The following WDR7 variants were observed in gnomAD, a reference collection of about 807,000 sequenced individuals.
The protein encoded by WDR7 is WD repeat domain 7, also known as WD repeat-containing protein 7.
Under a neutral mutation model 169.4 loss-of-function variants are expected in WDR7, and 46 were observed. The observed-to-expected ratio is 0.27, with a 90% CI of 0.21 to 0.35. WDR7 has a LOEUF of 0.35. Among genes scored for constraint, WDR7 ranks in the 10% least tolerant of loss-of-function variants. The probability of loss-of-function intolerance (pLI) is 1.00; values close to 1 mark genes in which losing one functional copy is unlikely to be tolerated. For missense variants in WDR7, 1,534 were observed against 1,859.3 expected (o/e 0.83, Z 3.22); for synonymous variants, 612 against 666.8 (o/e 0.92, Z 1.27).
At chr18:56,990,196 T>C (rs1351926195) in intron 26 of WDR7, among the ~76,000 whole-genome samples, 5 of 152,236 alleles carry the variant, frequency 3.3e-5, no homozygotes, top group Admixed American at 2.6e-4. Flanking sequence ...TCTCCTTTCA[T>C]TGCGTGAACT....
chr18:56,736,148 A>G (rs1159517511), intron 14 of WDR7, among the ~76,000 whole-genome samples: 4 of 152,154 alleles, frequency 2.6e-5, no homozygotes, highest in Non-Finnish European at 5.9e-5. Context: ...ACTTTAAAAC[A>G]AAATTCAAAA....
intron 21 of WDR7, among the ~76,000 whole-genome samples, chr18:56,889,987 C>T (rs2046243533): frequency 6.6e-6 from 1 of 152,108 alleles, no homozygotes; most frequent in Non-Finnish European, 1.5e-5. Context: ...CCTGCCATTA[C>T]ATGGAAAAAG....
Position 56,756,695 on chromosome 18 carries a change from A to G in WDR7, c.2102A>G (p.Gln701Arg). Residue 701 changes from glutamine (Q) to arginine (R), a missense_variant, in exon 15 of 28, where the codon CAA (glutamine) becomes CGA (arginine). Gln to Arg is a conservative substitution (Grantham distance 43). Coordinates refer to ENST00000254442, the MANE Select transcript of WDR7 (RefSeq NM_015285.3). ...TTTGATGTGGAAGCGTTGATTATTC[A>G]ACTCCTGACTGAAGAAGCCTCTAGG... ...LFFDVEALII[Q>R]LLTEEASRPN... 6.2e-7 allele frequency: 1 copy of G among 1,614,162 alleles called. No individual in the cohort carries two copies. Among genetic ancestry groups the G allele is most frequent in the Non-Finnish European group, 8.5e-7 (1 of 1,180,028 alleles).
At chr18:56,944,284 G>A (rs779899311) in intron 25 of WDR7, among the ~76,000 whole-genome samples, 6 of 152,056 alleles carry the variant, frequency 3.9e-5, no homozygotes, top group East Asian at 1.9e-4. Flanking sequence ...GAGCCACTGC[G>A]CCCAGCCAGT....
chr18:56,955,655 G>A (rs1461341091), intron 25 of WDR7, among the ~76,000 whole-genome samples: 1 of 84,888 alleles, frequency 1.2e-5, no homozygotes, highest in East Asian at 8.7e-4. Flanking sequence ...GATGCAGATG[G>A]ATGATGATGA....
At chr18:56,902,076 A>G (rs2046410678) in intron 21 of WDR7, among the ~76,000 whole-genome samples, 1 of 152,156 alleles carries the variant, frequency 6.6e-6, no homozygotes, top group African/African-American at 2.4e-5. Context: ...ATCACATCAC[A>G]AAGCAGTCTG....
chr18:56,879,727 AT>A (rs978603392), intron 20 of WDR7, among the ~76,000 whole-genome samples: 4 of 151,920 alleles, frequency 2.6e-5, no homozygotes, highest in African/African-American at 9.7e-5. Flanking sequence ...TAGCTGTTAT[AT>A]TTAGGATTAT....
intron 20 of WDR7, among the ~76,000 whole-genome samples, chr18:56,871,592 TTTA>T: frequency 6.6e-6 from 1 of 152,260 alleles, no homozygotes; most frequent in South Asian, 2.1e-4. Context: ...AAGAAACACT[TTTA>T]TTGTTTATTT....
intron 1 of WDR7, among the ~76,000 whole-genome samples, chr18:56,656,487 C>T (rs2024775296): frequency 6.6e-6 from 1 of 151,682 alleles, no homozygotes; most frequent in South Asian, 2.1e-4. Flanking sequence ...ACCATGTTGC[C>T]CAAGCTGGTC....
chr18:57,001,045 AAAAG>A (rs2047969016), intron 26 of WDR7, among the ~76,000 whole-genome samples: 2 of 109,350 alleles, frequency 1.8e-5, no homozygotes, highest in South Asian at 6.8e-4. Context: ...CCATCTCTAC[AAAAG>A]AGAGAGAGAG....
intron 25 of WDR7, among the ~76,000 whole-genome samples, chr18:56,955,654 GGAT>G (rs34888311): frequency 0.17 from 25,802 of 150,254 alleles, 3,011 homozygotes; most frequent in East Asian, 0.46. Flanking sequence ...AGATGCAGAT[GGAT>G]GATGATGATG....
In WDR7 at chr18:56,816,082, C is replaced by T; in HGVS notation, c.3242C>T (p.Ser1081Leu). The change falls in exon 20 of 28, where the codon TCA (serine) becomes TTA (leucine). Residue 1081 changes from serine to leucine, a missense_variant. Ser to Leu is a moderately radical substitution (Grantham distance 145). Coordinates refer to ENST00000254442, the MANE Select transcript of WDR7 (RefSeq NM_015285.3). ...ACTATCACCACGGCTCCTGATGCCT[C>T]AGGGCCTGAAGCAAAAGTCCAGGAG... ...AQTITTAPDA[S>L]GPEAKVQEEE... 6.2e-7 allele frequency: 1 copy of T among 1,613,820 alleles called. No individual in the cohort carries two copies. The highest frequency in any genetic ancestry group is 8.5e-7 in the Non-Finnish European group (1 of 1,179,902).
At chr18:56,687,106 G>C (rs1307159388) in intron 7 of WDR7, 132 bp downstream of exon 7, 19 of 897,266 alleles carry the variant, frequency 2.1e-5, no homozygotes, top group Non-Finnish European at 2.9e-5. Flanking sequence ...GTCTGCTTTT[G>C]ATATCACATT....
the WDR7 span, chr18:57,036,200 T>G: frequency 6.6e-6 from 1 of 152,268 alleles, no homozygotes; most frequent in African/African-American, 2.4e-5. Context: ...TTCCCAGGCT[T>G]TTTTCAAAGC....
At chr18:56,949,284 A>G (rs1231719053) in intron 25 of WDR7, among the ~76,000 whole-genome samples, 1 of 152,228 alleles carries the variant, frequency 6.6e-6, no homozygotes, top group Non-Finnish European at 1.5e-5. Context: ...TGAAGGTTGT[A>G]TCTATATTTT....
intron 7 of WDR7, 27 bp from the exon 8 acceptor site, chr18:56,691,189 G>C: frequency 6.3e-7 from 1 of 1,597,650 alleles, no homozygotes; most frequent in Non-Finnish European, 8.5e-7. Flanking sequence ...ATATGGAGTA[G>C]ATTGTGAATT....
At chr18:56,692,725 A>G (rs570501929) in intron 9 of WDR7, among the ~76,000 whole-genome samples, 3 of 152,180 alleles carry the variant, frequency 2.0e-5, no homozygotes, top group Non-Finnish European at 4.4e-5. Context: ...ACCAAAAAAA[A>G]AATCATTTTC....
intron 3 of WDR7, among the ~76,000 whole-genome samples, 177 bp from the exon 4 acceptor site, chr18:56,681,136 G>C (rs1452442521): frequency 2.0e-5 from 3 of 152,142 alleles, no homozygotes; most frequent in Non-Finnish European, 4.4e-5. Context: ...AGTTTGGAAG[G>C]GGTGTTAGGA....
intron 13 of WDR7, among the ~76,000 whole-genome samples, chr18:56,730,722 C>T (rs1258042084): frequency 9.2e-5 from 14 of 151,844 alleles, no homozygotes; most frequent in Admixed American, 5.9e-4. Flanking sequence ...GCCAAGATCG[C>T]GCCATTGCAC....
Sources: allele counts gnomAD v4.1 joint callset (sites outside exome capture counted in the v4.1 genomes callset), GRCh38; gene constraint gnomAD v4.1.1; transcripts MANE v1.5; gene names NCBI Gene and HGNC (gene_info 2026-07-23, HGNC 2026-07-21).